The following PLD3 variants were observed in gnomAD, a reference collection of about 807,000 sequenced individuals.
PLD3 encodes the protein 5'-3' exonuclease PLD3.
Under a neutral mutation model 58.4 loss-of-function variants are expected in PLD3, and 31 were observed. The observed-to-expected ratio is 0.53, with a 90% CI of 0.40 to 0.72. The LOEUF (loss-of-function observed/expected upper bound fraction) is 0.72, where lower values mean the gene tolerates loss of function less well. Ranked by LOEUF, PLD3 falls within the 30% of genes least tolerant of loss-of-function variation. The probability of loss-of-function intolerance (pLI) is 0.00; values close to 1 mark genes in which losing one functional copy is unlikely to be tolerated. For synonymous variants in PLD3, 264 were observed against 273.4 expected (o/e 0.97, Z 0.34); for missense variants, 595 against 659.8 (o/e 0.90, Z 1.08).
chr19:40,352,150 G>A (rs1169324002), intron 1 of PLD3, among the ~76,000 whole-genome samples: 3 of 151,720 alleles, frequency 2.0e-5, no homozygotes, highest in Non-Finnish European at 4.4e-5. Flanking sequence ...GCTTGTGCCT[G>A]TAATCCCAGC....
chr19:40,349,182 C>A, intron 1 of PLD3, among the ~76,000 whole-genome samples: 1 of 152,102 alleles, frequency 6.6e-6, no homozygotes, highest in East Asian at 1.9e-4. Context: ...ATCCTCATTT[C>A]TCTTTAAACC....
chr19:40,349,538 A>T (rs1214512380), intron 1 of PLD3, among the ~76,000 whole-genome samples: 1 of 152,082 alleles, frequency 6.6e-6, no homozygotes, highest in Non-Finnish European at 1.5e-5. Flanking sequence ...CACCTTTCCA[A>T]TCCCAGCTTC....
intron 1 of PLD3, among the ~76,000 whole-genome samples, chr19:40,361,826 A>G (rs1403422696): frequency 6.8e-6 from 1 of 147,692 alleles, no homozygotes; most frequent in Non-Finnish European, 1.5e-5. Context: ...TTTATTTATT[A>G]TCTTGTTTAT....
At chr19:40,370,468 T>C in intron 8 of PLD3, 1 of 408,006 alleles carries the variant, frequency 2.5e-6, no homozygotes, top group East Asian at 5.0e-5. Flanking sequence ...AGCCCAGGAG[T>C]TGGAGACCAG....
At chr19:40,359,487 A>C (rs1271830832) in intron 1 of PLD3, 1 of 152,236 alleles carries the variant, frequency 6.6e-6, no homozygotes. Flanking sequence ...GAGGAACTCC[A>C]GCATCCGGCT....
chr19:40,366,319 C>G (rs1014703997), intron 2 of PLD3, 100 bp from the exon 3 acceptor site: 2 of 682,404 alleles, frequency 2.9e-6, no homozygotes, highest in Non-Finnish European at 5.3e-6. Flanking sequence ...GCCAGTGGCC[C>G]CCATGATTAT....
intron 9 of PLD3, among the ~76,000 whole-genome samples, chr19:40,373,645 C>A (rs2079121137): frequency 6.6e-6 from 1 of 150,880 alleles, no homozygotes; most frequent in Non-Finnish European, 1.5e-5. Context: ...AGGCACTGGG[C>A]ACCCGAGGGG....
chr19:40,367,510 G>C (rs1192567541), intron 5 of PLD3, 186 bp from the exon 6 acceptor site: 1 of 529,802 alleles, frequency 1.9e-6, no homozygotes, highest in Non-Finnish European at 3.4e-6. Flanking sequence ...GAGCCCAGGG[G>C]TTCGAGGCTG....
chr19:40,369,922 C>T lies in PLD3; in HGVS notation c.444C>T (p.Leu148=), dbSNP rs1009459321. 1.3e-6 allele frequency: 2 copies of T among 1,558,896 alleles called. No individual in the cohort carries two copies. The highest frequency in any genetic ancestry group is 8.7e-7 in the Non-Finnish European group (1 of 1,152,278). Residue 148 remains leucine (L), a synonymous_variant, in exon 7 of 13, where the codon CTC becomes CTT. Coordinates refer to ENST00000409735, the MANE Select transcript of PLD3 (RefSeq NM_012268.4). ...EPSAQQGEEV[L]RQLQTLAPKG... is the part of the protein sequence containing the mutation. ...CCTCCCCGCAGGGTGAGGAGGTCCT[C>T]CGGCAGCTGCAGACCCTGGCACCAA...
Position 40,366,632 on chromosome 19 carries a change from C to T in PLD3, c.50C>T (p.Pro17Leu), listed in dbSNP as rs1434441999. The T allele has an allele frequency of 1.8e-5, 29 of 1,580,976 alleles. No individual in the cohort carries two copies. The highest frequency in any genetic ancestry group is 2.4e-5 in the Non-Finnish European group (28 of 1,162,068). The part of the protein sequence containing the change: ...YQELKVPAEE[P>L]ANELPMNEIE... Reference sequence around the variant, plus strand: ...CAGCTGAAGGTGCCTGCAGAGGAGCCCGCCAATGAGCTGCCCATGAATGAG... The same window carrying T: ...CAGCTGAAGGTGCCTGCAGAGGAGCTCGCCAATGAGCTGCCCATGAATGAG... The change falls in exon 4 of 13, where the codon CCC becomes CTC. Residue 17 changes from proline (P) to leucine (L), a missense_variant. Physicochemically the swap from Pro to Leu is moderately conservative, Grantham distance 98. Transcript: ENST00000409735.
At position 40,378,112 on chromosome 19, in the gene PLD3, C is replaced by G. The variant is rs369676565; in HGVS notation, c.1412C>G (p.Pro471Arg). ...EAIFLRDWDS[P>R]YSHDLDTSAD... ...ATTTTCCTGAGGGACTGGGACTCCC[C>G]TTACAGCCATGACCTTGACACCTCA... is the stretch of plus-strand genomic sequence containing the variant. Residue 471 changes from proline to arginine, a missense_variant, in exon 13 of 13, where the codon CCT (proline) becomes CGT (arginine). By Grantham distance (103) the Pro-to-Arg change is moderately radical. Coordinates refer to ENST00000409735, the MANE Select transcript of PLD3 (RefSeq NM_012268.4). 6.2e-7 allele frequency: 1 copy of G among 1,614,006 alleles called. No homozygotes were observed.
rs1478917485 is a variant in PLD3, at chr19:40,373,508, T to C, written c.880-973T>C. On this transcript the variant is annotated intron_variant, in intron 9 of 12. Coordinates refer to ENST00000409735, the MANE Select transcript of PLD3 (RefSeq NM_012268.4). ...AGGAGAATCACTTGAACCCAGGAGG[T>C]AGAGGTTGCAGGGAGCCGAGATTGC... 1.6e-4 allele frequency among the ~76,000 whole-genome samples: 20 copies of C among 122,856 alleles called. 1 individual carries two copies. Among genetic ancestry groups the C allele is most frequent in the African/African-American group, 5.7e-4 (18 of 31,518 alleles). The allele number at this position is 122,856 out of a possible 152,430, so 80.6% of individuals were successfully genotyped here. A position where few individuals can be genotyped will look rare whatever the true frequency, so the allele number is the denominator to read the frequency against.
In PLD3 at chr19:40,376,601, G is replaced by A. The variant is rs371305373; in HGVS notation, c.1020-8G>A. 1.9e-5 allele frequency: 31 copies of A among 1,608,430 alleles called. No individual in the cohort carries two copies. The highest frequency in any genetic ancestry group is 1.7e-4 in the Middle Eastern group (1 of 5,954). On this transcript the variant is annotated splice_region_variant and splice_polypyrimidine_tract_variant and intron_variant, in intron 10 of 12. Coordinates refer to ENST00000409735, the MANE Select transcript of PLD3 (RefSeq NM_012268.4). Reference sequence around the variant, plus strand: ...ATCCTGCCCCACCTCCTATACACCCGTCCTCAGGTTCTGGCCTGCCATTGA... The same window carrying A: ...ATCCTGCCCCACCTCCTATACACCCATCCTCAGGTTCTGGCCTGCCATTGA...
intron 10 of PLD3, among the ~76,000 whole-genome samples, chr19:40,375,750 T>C (rs1490592376): frequency 6.6e-6 from 1 of 150,968 alleles, no homozygotes; most frequent in African/African-American, 2.4e-5. Context: ...AAAGAAGGTA[T>C]TCTAGGGGCA....
intron 1 of PLD3, among the ~76,000 whole-genome samples, chr19:40,364,556 C>A (rs2078867519): frequency 6.6e-6 from 1 of 151,816 alleles, no homozygotes; most frequent in Non-Finnish European, 1.5e-5. Context: ...CTTTTGGGGG[C>A]CTAGACGGGC....
At chr19:40,350,848 G>C (rs771460653) in intron 1 of PLD3, among the ~76,000 whole-genome samples, 1 of 152,080 alleles carries the variant, frequency 6.6e-6, no homozygotes, top group African/African-American at 2.4e-5. Flanking sequence ...TATTAGAAGG[G>C]GCATGGGGAA....
At chr19:40,370,084 CT>C in intron 7 of PLD3, 25 bp from the exon 8 acceptor site, 1 of 1,595,212 alleles carries the variant, frequency 6.3e-7, no homozygotes, top group Non-Finnish European at 8.5e-7. Flanking sequence ...AGCCTGGCCC[CT>C]GATCTCTGCC....
chr19:40,355,303 CTTT>C (rs896335522), intron 1 of PLD3, among the ~76,000 whole-genome samples: 8 of 146,284 alleles, frequency 5.5e-5, no homozygotes, highest in Non-Finnish European at 9.1e-5. Context: ...ATTTTTTTTC[CTTT>C]TTTTTTTGTT....
intron 8 of PLD3, 98 bp from the exon 9 acceptor site, chr19:40,371,575 G>A (rs1286326048): frequency 1.3e-6 from 1 of 745,068 alleles, no homozygotes; most frequent in Admixed American, 2.3e-5. Flanking sequence ...AGGGGGTACT[G>A]TGGGACAGGG....
Sources: allele counts gnomAD v4.1 joint callset (sites outside exome capture counted in the v4.1 genomes callset), GRCh38; gene constraint gnomAD v4.1.1; transcripts MANE v1.5; gene names NCBI Gene and HGNC (gene_info 2026-07-23, HGNC 2026-07-21).